Variants in AP1G1 observed in about 807,000 individuals in gnomAD.
The protein encoded by AP1G1 is adaptor related protein complex 1 subunit gamma 1.
Under a neutral mutation model 108.3 loss-of-function variants are expected in AP1G1, and 7 were observed. The ratio of observed to expected loss-of-function variants is 0.06; its 90% CI spans 0.04 to 0.12. The LOEUF is 0.12. Ranked by LOEUF, AP1G1 falls within the 10% of genes least tolerant of loss-of-function variation. The pLI is 1.00. For missense variants in AP1G1, 756 were observed against 1,010.7 expected (o/e 0.75, Z 3.42); for synonymous variants, 379 against 353.5 (o/e 1.07, Z -0.81).
chr16:71,779,819 T>C (rs1194620342), intron 2 of AP1G1, among the ~76,000 whole-genome samples: 2 of 152,026 alleles, frequency 1.3e-5, no homozygotes, highest in African/African-American at 4.8e-5. Context: ...TTTAGAACAG[T>C]TTCGCACACG....
intron 11 of AP1G1, among the ~76,000 whole-genome samples, chr16:71,757,561 C>T (rs188321963): frequency 5.9e-5 from 9 of 152,026 alleles, no homozygotes; most frequent in African/African-American, 2.2e-4. Flanking sequence ...ATGTAATTTA[C>T]ATATATTAAT....
intron 9 of AP1G1, among the ~76,000 whole-genome samples, chr16:71,763,938 C>T (rs752577188): frequency 2.0e-5 from 3 of 152,054 alleles, no homozygotes; most frequent in Non-Finnish European, 4.4e-5. Flanking sequence ...GGGCCAGATC[C>T]TCTGGTGGAT....
intron 1 of AP1G1, chr16:71,807,786 C>G (rs2142296631): frequency 7.8e-7 from 1 of 1,287,874 alleles, no homozygotes; most frequent in Non-Finnish European, 1.0e-6. Context: ...CAGCCCAACT[C>G]TCCTTTCTAC....
At chr16:71,749,782 C>T (rs573681792) in intron 15 of AP1G1, 112 bp downstream of exon 15, 47 of 863,448 alleles carry the variant, frequency 5.4e-5, no homozygotes, top group Middle Eastern at 4.5e-4. Flanking sequence ...TGAGCCACCA[C>T]GCCTGGCCTA....
chr16:71,765,661 G>C, intron 6 of AP1G1, 77 bp from the exon 7 acceptor site: 1 of 1,173,438 alleles, frequency 8.5e-7, no homozygotes, highest in Non-Finnish European at 1.3e-6. Context: ...CTTTGGTTTA[G>C]AAAAAGGGTG....
intron 2 of AP1G1, among the ~76,000 whole-genome samples, chr16:71,781,876 A>T (rs534406446): frequency 6.6e-6 from 1 of 152,298 alleles, no homozygotes; most frequent in South Asian, 2.1e-4. Flanking sequence ...CAGACTTTTC[A>T]GGTTTTGCTT....
In AP1G1 at chr16:71,734,712, G is replaced by T. The variant is rs369650759; in HGVS notation, c.2269-5C>A. 16 of 1,611,454 alleles carry T rather than the reference G, an allele frequency of 9.9e-6. No homozygotes were observed. Among genetic ancestry groups the T allele is most frequent in the South Asian group, 4.4e-5 (4 of 91,018 alleles). ...CAAGAGCTGCAGCTGGAATGTCTAG[G>T]GGGGAACAAAGGGCACTCTTCAGAA... is the stretch of plus-strand genomic sequence containing the variant. On this transcript the variant is annotated splice_polypyrimidine_tract_variant and splice_region_variant and intron_variant, in intron 21 of 22. Coordinates refer to ENST00000299980, the MANE Select transcript of AP1G1 (RefSeq NM_001128.6).
chr16:71,770,553 T>C (rs543189826), intron 5 of AP1G1, among the ~76,000 whole-genome samples: 8 of 152,326 alleles, frequency 5.3e-5, no homozygotes, highest in South Asian at 2.1e-4. Flanking sequence ...TCTTGGCTCA[T>C]TGCAACTTCT....
intron 4 of AP1G1, among the ~76,000 whole-genome samples, chr16:71,772,487 A>G (rs1339828448): frequency 1.3e-5 from 2 of 152,176 alleles, no homozygotes; most frequent in African/African-American, 4.8e-5. Flanking sequence ...GAGCTTTCTG[A>G]ACAAGAGTAG....
intron 15 of AP1G1, 128 bp downstream of exon 15, chr16:71,749,766 T>A: frequency 1.3e-6 from 1 of 750,302 alleles, no homozygotes; most frequent in Non-Finnish European, 2.3e-6. Flanking sequence ...GCTGGGATTA[T>A]AGGCATGAGC....
rs2033088514 is a variant in AP1G1 at position 71,808,749 on chromosome 16, G to A, written c.-4+14C>T. 5.4e-6 allele frequency: 7 copies of A among 1,288,986 alleles called. No homozygotes were observed. The highest frequency in any genetic ancestry group is 1.2e-5 in the South Asian group (1 of 81,002). The allele number at this position is 1,288,986 out of a possible 1,614,324, so 79.8% of individuals were successfully genotyped here. The stretch of plus-strand genomic sequence containing the variant: ...AAGCAGCAATATGCTCTCAGCGCCG[G>A]GAGTGACACTCACCGGCCCGAAACC... On this transcript the variant is annotated intron_variant, in intron 1 of 22. Coordinates refer to ENST00000299980, the MANE Select transcript of AP1G1 (RefSeq NM_001128.6).
In AP1G1 at chr16:71,763,653, G is replaced by A. The variant is rs375319504; in HGVS notation, c.918+697C>T. 3.6e-4 allele frequency among the ~76,000 whole-genome samples: 55 copies of A among 152,288 alleles called. No individual in the cohort carries two copies. The East Asian group carries it at 5.2e-3, about 14-fold the overall frequency. On this transcript the variant is annotated intron_variant, in intron 9 of 22. Coordinates refer to ENST00000299980, the MANE Select transcript of AP1G1 (RefSeq NM_001128.6). ...GGTATGTTACCATTCTGTCTGAAAG[G>A]TGGGGAGAGGAAAAGAACTTAACCT... is the stretch of plus-strand genomic sequence containing the variant.
chr16:71,759,379 G>A (rs1458922534), intron 10 of AP1G1, among the ~76,000 whole-genome samples: 3 of 151,984 alleles, frequency 2.0e-5, no homozygotes, highest in Non-Finnish European at 4.4e-5. Context: ...GAGAATTGCT[G>A]GAACCTGGGA....
chr16:71,756,290 A>T, intron 11 of AP1G1, 131 bp from the exon 12 acceptor site: 1 of 697,232 alleles, frequency 1.4e-6, no homozygotes. Context: ...TTGTGATCCC[A>T]ATCTTTGCAC....
intron 6 of AP1G1, among the ~76,000 whole-genome samples, chr16:71,768,936 AAAAAGAAAAG>A (rs1555554360): frequency 8.2e-6 from 1 of 121,260 alleles, no homozygotes; most frequent in African/African-American, 3.3e-5. Flanking sequence ...AAAAAAAAAA[AAAAAGAAAAG>A]AAAAGAAATT....
chr16:71,795,146 A>C (rs556925066), intron 1 of AP1G1, among the ~76,000 whole-genome samples: 2 of 152,158 alleles, frequency 1.3e-5, no homozygotes, highest in East Asian at 3.9e-4. Context: ...TCCCTGCTTT[A>C]GAACTCACAC....
rs2045461569 is a variant in AP1G1, at chr16:71,729,835, C to G, written c.*3223G>C. ...GGACACTGTGGTTAAAATACATTCA[C>G]TAGAAAAAAATAGACACATTCAAAC... On this transcript the variant is annotated 3_prime_UTR_variant, in exon 23 of 23. Transcript: ENST00000299980. 2 of 152,596 alleles carry G rather than the reference C, an allele frequency of 1.3e-5. No individual in the cohort carries two copies. 9.5% of individuals were successfully genotyped at this position (152,596 alleles called of 1,614,324 possible). A position where few individuals can be genotyped will look rare whatever the true frequency, so the allele number is the denominator to read the frequency against.
chr16:71,755,913 A>G, intron 12 of AP1G1, 106 bp downstream of exon 12: 2 of 1,252,810 alleles, frequency 1.6e-6, no homozygotes, highest in South Asian at 3.1e-5. Context: ...CAAACTGCTG[A>G]GACTGCAGGC....
chr16:71,764,509 C>T, intron 8 of AP1G1, 61 bp from the exon 9 acceptor site: 1 of 1,327,706 alleles, frequency 7.5e-7, no homozygotes, highest in Non-Finnish European at 1.0e-6. Flanking sequence ...AAAACATATT[C>T]ACAGGTAACA....
Sources: allele counts gnomAD v4.1 joint callset (sites outside exome capture counted in the v4.1 genomes callset), GRCh38; gene constraint gnomAD v4.1.1; transcripts MANE v1.5; gene names NCBI Gene and HGNC (gene_info 2026-07-23, HGNC 2026-07-21).